The following OSTM1 variants were observed in gnomAD, a reference collection of about 807,000 sequenced individuals.
OSTM1 encodes the protein osteoclastogenesis associated transmembrane protein 1, also known as osteopetrosis-associated transmembrane protein 1.
A neutral mutation model predicts 35.4 loss-of-function variants in OSTM1; 26 were observed. The ratio of observed to expected loss-of-function variants is 0.73; its 90% confidence interval spans 0.54 to 1.02. OSTM1 has a LOEUF of 1.02. Among genes scored for constraint, OSTM1 ranks in the 50% least tolerant of loss-of-function variants. The pLI is 0.00. For synonymous variants in OSTM1, 181 were observed against 165.0 expected, an observed-to-expected ratio of 1.10 and a Z score of -0.75; for missense variants, 366 against 409.6, an observed-to-expected ratio of 0.89 and a Z score of 0.92.
chr6:108,049,094 A>C (rs2114591003), intron 5 of OSTM1, among the ~76,000 whole-genome samples, 159 bp downstream of exon 5: 1 of 152,270 alleles, frequency 6.6e-6, no homozygotes, highest in Non-Finnish European at 1.5e-5. Flanking sequence ...ATTTTCACAG[A>C]TCTCTTTCAC....
intron 2 of OSTM1, among the ~76,000 whole-genome samples, chr6:108,055,071 C>T (rs148880695): frequency 6.4e-4 from 98 of 152,242 alleles, no homozygotes; most frequent in African/African-American, 2.1e-3. Context: ...TAATCCATCA[C>T]GAGTTGGGAG....
At chr6:108,056,552 G>A (rs1206178830) in intron 2 of OSTM1, among the ~76,000 whole-genome samples, 1 of 152,162 alleles carries the variant, frequency 6.6e-6, no homozygotes, top group African/African-American at 2.4e-5. Context: ...CCTAAACCTG[G>A]TAGACAGGGG....
At chr6:108,051,436 T>G (rs994276577) in intron 3 of OSTM1, among the ~76,000 whole-genome samples, 3 of 152,242 alleles carry the variant, frequency 2.0e-5, no homozygotes, top group Non-Finnish European at 4.4e-5. Flanking sequence ...GTGAAGCAGA[T>G]GGCAAACTGT....
At position 108,044,620 on chromosome 6, in the gene OSTM1, G is replaced by A; in HGVS notation, c.*165C>T. ...ATATCCAAATCTGTTAGAAAGAAGT[G>A]GAAAAGGAAAGAAAAATCGAAAATT... On this transcript the variant is annotated 3_prime_UTR_variant, in exon 6 of 6. Transcript: ENST00000193322. The A allele has an allele frequency of 2.0e-6, 1 of 500,652 alleles. No homozygotes were observed. Among genetic ancestry groups the A allele is most frequent in the Non-Finnish European group, 3.6e-6 (1 of 279,366 alleles). 31.0% of individuals were successfully genotyped at this position (500,652 alleles called of 1,614,324 possible).
Position 108,064,236 on chromosome 6 carries a change from C to G in OSTM1, c.466G>C (p.Val156Leu). The G allele has an allele frequency of 6.2e-7, 1 of 1,606,752 alleles. No individual in the cohort carries two copies. The highest frequency in any genetic ancestry group is 1.7e-5 in the Admixed American group (1 of 60,010). ...GTATTAAAAAATTCTGAGAGAATCA[C>G]AACTATTTGCATTCTATCTGCCATT... ...LLMADRMQIV[V>L]ILSEFFNTTW... The change falls in exon 2 of 6, where the codon GTG (valine) becomes CTG (leucine). Residue 156 changes from valine to leucine, a missense_variant. Physicochemically the swap from Val to Leu is conservative, Grantham distance 32. Coordinates refer to ENST00000193322, the MANE Select transcript of OSTM1 (RefSeq NM_014028.4).
intron 2 of OSTM1, among the ~76,000 whole-genome samples, chr6:108,061,328 A>T (rs1381651068): frequency 1.3e-5 from 2 of 152,194 alleles, no homozygotes; most frequent in African/African-American, 4.8e-5. Context: ...TTAATGACTT[A>T]TAGGTACACA....
At chr6:108,071,293 TTTTTG>T (rs918078632) in intron 1 of OSTM1, among the ~76,000 whole-genome samples, 14 of 151,292 alleles carry the variant, frequency 9.3e-5, no homozygotes, top group East Asian at 2.0e-4. Flanking sequence ...TTTCCATAGG[TTTTTG>T]TTTTGTTTTG....
At chr6:108,072,654 G>GAAA (rs5878960) in intron 1 of OSTM1, among the ~76,000 whole-genome samples, 1 of 130,232 alleles carries the variant, frequency 7.7e-6, no homozygotes, top group Non-Finnish European at 1.7e-5. Flanking sequence ...AAAGAAAAAA[G>GAAA]AAAAAAAAAA....
intron 2 of OSTM1, among the ~76,000 whole-genome samples, chr6:108,063,111 G>A (rs1050928414): frequency 1.3e-5 from 2 of 151,614 alleles, no homozygotes; most frequent in African/African-American, 4.9e-5. Context: ...TTCCTGGGCT[G>A]AAGGGATCCT....
chr6:108,068,433 T>C (rs1364151746), intron 1 of OSTM1, among the ~76,000 whole-genome samples: 1 of 152,204 alleles, frequency 6.6e-6, no homozygotes, highest in Non-Finnish European at 1.5e-5. Context: ...ACTGAGTTAA[T>C]GATCTTCGCC....
At chr6:108,057,776 T>C (rs1177030231) in intron 2 of OSTM1, among the ~76,000 whole-genome samples, 9 of 152,192 alleles carry the variant, frequency 5.9e-5, no homozygotes. Context: ...AGCCATGACT[T>C]TCTGAATCGA....
intron 2 of OSTM1, among the ~76,000 whole-genome samples, chr6:108,057,513 A>G (rs1407502051): frequency 2.0e-5 from 3 of 152,222 alleles, no homozygotes; most frequent in African/African-American, 2.4e-5. Flanking sequence ...AAAGTAGTAT[A>G]AAGTGCATTA....
chr6:108,058,531 G>A (rs925640079), intron 2 of OSTM1, among the ~76,000 whole-genome samples: 3 of 152,244 alleles, frequency 2.0e-5, no homozygotes, highest in African/African-American at 7.2e-5. Context: ...GCTCACGCCT[G>A]TAATCCCAGC....
intron 1 of OSTM1, among the ~76,000 whole-genome samples, chr6:108,066,231 G>A (rs1284169962): frequency 6.6e-6 from 1 of 152,162 alleles, no homozygotes; most frequent in Non-Finnish European, 1.5e-5. Flanking sequence ...TATGTAGGGT[G>A]AGGAGGCAGG....
intron 2 of OSTM1, among the ~76,000 whole-genome samples, chr6:108,060,434 T>G (rs1370638772): frequency 2.6e-5 from 4 of 152,196 alleles, no homozygotes; most frequent in African/African-American, 9.6e-5. Flanking sequence ...AAACACCTTT[T>G]AAGCCAGGCA....
At chr6:108,061,001 A>T (rs138411563) in intron 2 of OSTM1, 1 of 152,172 alleles carries the variant, frequency 6.6e-6, no homozygotes, top group South Asian at 2.1e-4. Context: ...ATTTTAAATT[A>T]TTTATAATTA....
intron 3 of OSTM1, among the ~76,000 whole-genome samples, 199 bp from the exon 4 acceptor site, chr6:108,051,397 A>G (rs980245645): frequency 3.3e-5 from 5 of 152,208 alleles, no homozygotes; most frequent in East Asian, 1.9e-4. Flanking sequence ...TACCTGTATT[A>G]TAAGTCCGAA....
chr6:108,050,095 A>T (rs1358867262), intron 4 of OSTM1, among the ~76,000 whole-genome samples: 2 of 152,154 alleles, frequency 1.3e-5, no homozygotes, highest in Non-Finnish European at 2.9e-5. Flanking sequence ...GAGAAAAAAA[A>T]ATTTTTTTTG....
chr6:108,051,236 CATT>C, intron 3 of OSTM1, 38 bp from the exon 4 acceptor site: 2 of 1,384,246 alleles, frequency 1.4e-6, no homozygotes, highest in East Asian at 2.3e-5. Context: ...ATACAATAAA[CATT>C]ATATACAATA....
Sources: gnomAD v4.1 joint callset for allele counts (sites outside exome capture counted in the v4.1 genomes callset) on GRCh38, gnomAD v4.1.1 for gene constraint, MANE v1.5 for transcripts, NCBI Gene and HGNC (gene_info 2026-07-23, HGNC 2026-07-21) for gene names.